Variants in FANCC observed in about 807,000 individuals in gnomAD.
FANCC encodes Fanconi anemia group C protein.
In FANCC, 55 loss-of-function variants were observed where a neutral mutation model predicts 71.3. That is an observed-to-expected ratio of 0.77 (90% confidence interval 0.62 to 0.97). The LOEUF (loss-of-function observed/expected upper bound fraction) is 0.97. Among genes scored for constraint, FANCC ranks in the 50% least tolerant of loss-of-function variants. The pLI is 0.00. For synonymous variants in FANCC, 275 were observed against 244.9 expected (o/e 1.12, Z -1.15); for missense variants, 678 against 670.9 (o/e 1.01, Z -0.12).
intron 6 of FANCC, among the ~76,000 whole-genome samples, chr9:95,154,683 C>T (rs1830360178): frequency 6.6e-6 from 1 of 152,128 alleles, no homozygotes; most frequent in African/African-American, 2.4e-5. Flanking sequence ...GAAGAATCTA[C>T]ACCCCACTTC....
At chr9:95,282,481 C>A (rs1402920760) in intron 1 of FANCC, among the ~76,000 whole-genome samples, 1 of 152,020 alleles carries the variant, frequency 6.6e-6, no homozygotes, top group Non-Finnish European at 1.5e-5. Context: ...TAACACAATA[C>A]TAGTAGAAGA....
At chr9:95,152,439 G>C (rs558093982) in intron 6 of FANCC, among the ~76,000 whole-genome samples, 3 of 152,186 alleles carry the variant, frequency 2.0e-5, no homozygotes, top group Non-Finnish European at 2.9e-5. Flanking sequence ...ATTGCAGACA[G>C]ATGAAAAGCA....
chr9:95,131,848 AG>A (rs372202670), intron 8 of FANCC, among the ~76,000 whole-genome samples: 1 of 152,324 alleles, frequency 6.6e-6, no homozygotes, highest in African/African-American at 2.4e-5. Context: ...GTCTGTGTAA[AG>A]GAAGTTTCTT....
intron 6 of FANCC, among the ~76,000 whole-genome samples, chr9:95,167,855 G>A (rs1564715774): frequency 1.3e-5 from 2 of 152,104 alleles, no homozygotes; most frequent in Non-Finnish European, 2.9e-5. Flanking sequence ...TTCATCCCTT[G>A]ATTATGCCAC....
chr9:95,110,909 T>C lies in FANCC; in HGVS notation c.1329+554A>G, dbSNP rs151242485. 1.6e-3 allele frequency: 2,033 copies of C among 1,300,494 alleles called. 29 individuals carry two copies. In the African/African-American group the frequency reaches 0.027, roughly 17 times the overall value. 80.6% of individuals were successfully genotyped at this position (1,300,494 alleles called of 1,614,324 possible). A position where few individuals can be genotyped will look rare whatever the true frequency, so the allele number is the denominator to read the frequency against. Reference sequence around the variant, plus strand: ...AGTCCCATACTTAGCTGCTCTGTTATTTAGGAAATGACCAACTTCTTTTTC... The same window carrying C: ...AGTCCCATACTTAGCTGCTCTGTTACTTAGGAAATGACCAACTTCTTTTTC... On this transcript the variant is annotated intron_variant, in intron 13 of 14. Coordinates refer to ENST00000289081, the MANE Select transcript of FANCC (RefSeq NM_000136.3).
At chr9:95,176,627 C>A (rs974585116) in intron 4 of FANCC, among the ~76,000 whole-genome samples, 46 of 152,236 alleles carry the variant, frequency 3.0e-4, no homozygotes, top group African/African-American at 1.0e-3. Context: ...CACTGAAAAT[C>A]CCAGGCTCAG....
chr9:95,108,065 C>G (rs1363958068), intron 13 of FANCC, among the ~76,000 whole-genome samples: 2 of 152,208 alleles, frequency 1.3e-5, no homozygotes, highest in Non-Finnish European at 2.9e-5. Flanking sequence ...CAGCTATGTT[C>G]CATCACTTCT....
chr9:95,232,016 C>T (rs1011948990), intron 4 of FANCC, among the ~76,000 whole-genome samples: 92 of 152,196 alleles, frequency 6.0e-4, no homozygotes, highest in African/African-American at 2.1e-3. Context: ...AGAGCTTCAA[C>T]TGGCTTGTGG....
chr9:95,164,669 A>G (rs1176565378), intron 6 of FANCC, among the ~76,000 whole-genome samples: 2 of 152,176 alleles, frequency 1.3e-5, no homozygotes, highest in African/African-American at 2.4e-5. Context: ...GTGTTTATAC[A>G]TATCTTTTTA....
At chr9:95,317,310 T>TCCCGCCTCCCGCCTC (rs1259856075) in intron 1 of FANCC, 3 of 148,696 alleles carry the variant, frequency 2.0e-5, no homozygotes, top group South Asian at 2.1e-4. Flanking sequence ...CCCGCCACCT[T>TCCCGCCTCCCGCCTC]CCGCCTCCCG....
At chr9:95,202,617 T>C (rs1240609486) in intron 4 of FANCC, among the ~76,000 whole-genome samples, 1 of 152,266 alleles carries the variant, frequency 6.6e-6, no homozygotes, top group East Asian at 1.9e-4. Context: ...AAGTTTCTTC[T>C]GTGGGGCAGT....
chr9:95,170,637 C>CGTGTGTGTGTGTGTGT (rs3992109), intron 6 of FANCC, among the ~76,000 whole-genome samples: 5,211 of 124,144 alleles, frequency 0.042, 236 homozygotes, highest in Middle Eastern at 0.066. Context: ...TTGTAAATAT[C>CGTGTGTGTGTGTGTGT]GTGTGTGTGT....
intron 4 of FANCC, among the ~76,000 whole-genome samples, chr9:95,185,778 A>G (rs1201409199): frequency 2.0e-5 from 3 of 152,224 alleles, no homozygotes; most frequent in African/African-American, 7.2e-5. Flanking sequence ...TCCCATCTGC[A>G]GGAAAACTAA....
At chr9:95,206,005 C>T (rs1297565498) in intron 4 of FANCC, among the ~76,000 whole-genome samples, 9 of 152,066 alleles carry the variant, frequency 5.9e-5, no homozygotes, top group Non-Finnish European at 1.2e-4. Flanking sequence ...AATATCCTAC[C>T]GGTCATTTTC....
At chr9:95,254,888 G>C (rs1156850280) in intron 1 of FANCC, among the ~76,000 whole-genome samples, 1 of 152,120 alleles carries the variant, frequency 6.6e-6, no homozygotes, top group Non-Finnish European at 1.5e-5. Flanking sequence ...TGAGCTTGGT[G>C]GGGGGAGGGG....
chr9:95,129,970 TAGAA>T (rs1195170211), intron 8 of FANCC, among the ~76,000 whole-genome samples: 1 of 152,098 alleles, frequency 6.6e-6, no homozygotes, highest in Non-Finnish European at 1.5e-5. Context: ...CCCCTCCACC[TAGAA>T]AGAAAGCCCA....
At chr9:95,154,522 A>C (rs1830351670) in intron 6 of FANCC, among the ~76,000 whole-genome samples, 1 of 152,250 alleles carries the variant, frequency 6.6e-6, no homozygotes, top group African/African-American at 2.4e-5. Flanking sequence ...GTTTAAATGA[A>C]TAAACTGTAC....
intron 4 of FANCC, among the ~76,000 whole-genome samples, chr9:95,182,946 C>A (rs572499719): frequency 2.6e-5 from 4 of 151,992 alleles, no homozygotes; most frequent in African/African-American, 9.7e-5. Flanking sequence ...CCTGTCACCC[C>A]CTAAGGCTCC....
intron 4 of FANCC, among the ~76,000 whole-genome samples, chr9:95,175,870 G>A (rs112373986): frequency 5.9e-5 from 9 of 152,358 alleles, no homozygotes; most frequent in African/African-American, 2.2e-4. Flanking sequence ...AGGTGTCCAA[G>A]TCAGACCCAG....
Sources: gnomAD v4.1 joint callset for allele counts (sites outside exome capture counted in the v4.1 genomes callset) on GRCh38, gnomAD v4.1.1 for gene constraint, MANE v1.5 for transcripts, NCBI Gene and HGNC (gene_info 2026-07-23, HGNC 2026-07-21) for gene names.